Variants in NELL2 observed in about 807,000 individuals in gnomAD.
NELL2 encodes the protein neural EGFL like 2, also known as protein kinase C-binding protein NELL2.
Under a neutral mutation model 109.6 loss-of-function variants are expected in NELL2, and 41 were observed. The ratio of observed to expected loss-of-function variants is 0.37; its 90% CI spans 0.29 to 0.49. The LOEUF is 0.49. Ranked by LOEUF, NELL2 falls within the 20% of genes least tolerant of loss-of-function variation. The pLI is 0.98. For missense variants in NELL2, 900 were observed against 1,008.3 expected, an observed-to-expected ratio of 0.89 and a Z score of 1.45; for synonymous variants, 355 against 344.7, an observed-to-expected ratio of 1.03 and a Z score of -0.33.
intron 2 of NELL2, among the ~76,000 whole-genome samples, chr12:44,874,126 G>A (rs1340208327): frequency 6.6e-6 from 1 of 152,116 alleles, no homozygotes; most frequent in Non-Finnish European, 1.5e-5. Context: ...CACCACTACA[G>A]AAACACTCAA....
intron 15 of NELL2, among the ~76,000 whole-genome samples, chr12:44,600,879 GT>G (rs138887935): frequency 2.0e-3 from 298 of 152,018 alleles, no homozygotes; most frequent in African/African-American, 6.9e-3. Context: ...TGTACATAAT[GT>G]TTATTCAAAA....
intron 3 of NELL2, among the ~76,000 whole-genome samples, chr12:44,802,445 T>C (rs1942863659): frequency 6.6e-6 from 1 of 152,024 alleles, no homozygotes; most frequent in African/African-American, 2.4e-5. Flanking sequence ...TAATATATCA[T>C]ATATATACGC....
chr12:44,788,048 A>C (rs1217239716), intron 3 of NELL2, among the ~76,000 whole-genome samples: 1 of 152,210 alleles, frequency 6.6e-6, no homozygotes, highest in Non-Finnish European at 1.5e-5. Context: ...AATATTTACA[A>C]ATCAAATATC....
intron 13 of NELL2, among the ~76,000 whole-genome samples, chr12:44,632,167 T>C (rs1330592069): frequency 6.6e-6 from 1 of 152,072 alleles, no homozygotes; most frequent in Non-Finnish European, 1.5e-5. Flanking sequence ...GAGAAAGGAA[T>C]TTCAGAAACC....
At chr12:44,629,153 C>T (rs1946366655) in intron 13 of NELL2, among the ~76,000 whole-genome samples, 1 of 152,084 alleles carries the variant, frequency 6.6e-6, no homozygotes, top group Non-Finnish European at 1.5e-5. Flanking sequence ...TTCAAATGGC[C>T]TAAATAGTCA....
intron 13 of NELL2, among the ~76,000 whole-genome samples, chr12:44,645,176 TGAGACAA>T (rs1947049229): frequency 6.6e-6 from 1 of 152,066 alleles, no homozygotes; most frequent in African/African-American, 2.4e-5. Flanking sequence ...TCAAGTGGAA[TGAGACAA>T]GTTAGGAGAG....
intron 1 of NELL2, among the ~76,000 whole-genome samples, chr12:44,896,141 T>A (rs1945590232): frequency 6.6e-6 from 1 of 152,200 alleles, no homozygotes; most frequent in African/African-American, 2.4e-5. Context: ...TCAATGTGGC[T>A]AAATTAGAAA....
At chr12:44,527,944 A>T (rs1015193934) in intron 16 of NELL2, among the ~76,000 whole-genome samples, 2 of 151,450 alleles carry the variant, frequency 1.3e-5, no homozygotes, top group African/African-American at 4.9e-5. Flanking sequence ...AATACAAAAA[A>T]TTAGCCCGGC....
chr12:44,817,903 G>A lies in NELL2; in HGVS notation c.185-1767C>T, dbSNP rs535589510. 1.2e-4 allele frequency among the ~76,000 whole-genome samples: 18 copies of A among 152,236 alleles called. 1 individual carries two copies. Among genetic ancestry groups the A allele is most frequent in the South Asian group, 1.0e-3 (5 of 4,816 alleles). ...CATGTGACACAGACCTGACCAATCCGGGCATCACCTATCCCTGTGCACAGT... is the reference window on the plus strand; with the variant it reads ...CATGTGACACAGACCTGACCAATCCAGGCATCACCTATCCCTGTGCACAGT... On this transcript the variant is annotated intron_variant, in intron 2 of 19. Transcript: ENST00000429094.
chr12:44,699,413 C>T lies in NELL2; in HGVS notation c.1318+4313G>A, dbSNP rs141069014. 3.5e-3 allele frequency among the ~76,000 whole-genome samples: 525 copies of T among 151,988 alleles called. 1 individual carries two copies. Among genetic ancestry groups the T allele is most frequent in the African/African-American group, 0.012 (491 of 41,458 alleles). On this transcript the variant is annotated intron_variant, in intron 12 of 19. Coordinates refer to ENST00000429094, the MANE Select transcript of NELL2 (RefSeq NM_001145108.2). ...ATGTTTATAAATATCTGAGGTGTTG[C>T]AAAACTCACTGAAGAACAAGAAGTT...
intron 2 of NELL2, among the ~76,000 whole-genome samples, chr12:44,826,285 C>T (rs928864286): frequency 3.9e-5 from 6 of 152,130 alleles, no homozygotes; most frequent in African/African-American, 1.4e-4. Context: ...TAAAAACTGT[C>T]TAATTTCAGA....
intron 15 of NELL2, among the ~76,000 whole-genome samples, chr12:44,561,534 TAGAC>T (rs1001841584): frequency 2.7e-5 from 4 of 150,040 alleles, no homozygotes; most frequent in South Asian, 2.1e-4. Context: ...TATACACTAA[TAGAC>T]AGCCAAATCA....
intron 9 of NELL2, among the ~76,000 whole-genome samples, chr12:44,755,874 T>G (rs984268778): frequency 2.6e-5 from 4 of 152,216 alleles, no homozygotes; most frequent in African/African-American, 9.6e-5. Flanking sequence ...TGAATCAATC[T>G]ACTTTTCTCA....
At chr12:44,848,868 T>A (rs1944451731) in intron 2 of NELL2, among the ~76,000 whole-genome samples, 1 of 152,172 alleles carries the variant, frequency 6.6e-6, no homozygotes, top group Admixed American at 6.5e-5. Flanking sequence ...CCCACGCATC[T>A]ACAGAAATGT....
intron 19 of NELL2, among the ~76,000 whole-genome samples, chr12:44,519,778 CG>C (rs1421430233): frequency 6.6e-6 from 1 of 151,984 alleles, no homozygotes; most frequent in Non-Finnish European, 1.5e-5. Flanking sequence ...ATATAAATAA[CG>C]GATCATTCTG....
upstream of NELL2, among the ~76,000 whole-genome samples, chr12:44,917,012 A>G (rs1945833628): frequency 6.6e-6 from 1 of 152,184 alleles, no homozygotes; most frequent in African/African-American, 2.4e-5. Context: ...ACATCTATTA[A>G]TAAGAAAACC....
intron 15 of NELL2, among the ~76,000 whole-genome samples, chr12:44,540,887 G>A (rs1444825826): frequency 6.9e-6 from 1 of 145,908 alleles, no homozygotes; most frequent in Non-Finnish European, 1.5e-5. Flanking sequence ...GGATAATCAA[G>A]AAAAGTCTAT....
chr12:44,811,845 C>T (rs1270651691), intron 3 of NELL2, among the ~76,000 whole-genome samples: 1 of 152,126 alleles, frequency 6.6e-6, no homozygotes, highest in Admixed American at 6.6e-5. Context: ...ACTTTGTAGT[C>T]TAACTCACAG....
At chr12:44,736,050 G>A (rs905888610) in intron 9 of NELL2, among the ~76,000 whole-genome samples, 48 of 117,758 alleles carry the variant, frequency 4.1e-4, no homozygotes, top group African/African-American at 1.5e-3. Flanking sequence ...TCGCTCTGTT[G>A]CCCAGGCTGG....
Sources: allele counts gnomAD v4.1 joint callset (sites outside exome capture counted in the v4.1 genomes callset), GRCh38; gene constraint gnomAD v4.1.1; transcripts MANE v1.5; gene names NCBI Gene and HGNC (gene_info 2026-07-23, HGNC 2026-07-21).